Variants in STAG1 observed in about 807,000 individuals in gnomAD.
STAG1 encodes the protein cohesin subunit SA-1.
In STAG1, 26 loss-of-function variants were observed where a neutral mutation model predicts 170.9. The ratio of observed to expected loss-of-function variants is 0.15; its 90% CI spans 0.11 to 0.21. The LOEUF (loss-of-function observed/expected upper bound fraction) is 0.21. STAG1 is among the 10% of genes least tolerant of loss of function. The probability of loss-of-function intolerance (pLI) is 1.00; values close to 1 mark genes in which losing one functional copy is unlikely to be tolerated. For synonymous variants in STAG1, 514 were observed against 497.7 expected (o/e 1.03, Z -0.44); for missense variants, 964 against 1,509.5 (o/e 0.64, Z 5.99).
At chr3:136,657,488 C>T (rs1371400029) in intron 1 of STAG1, among the ~76,000 whole-genome samples, 2 of 152,132 alleles carry the variant, frequency 1.3e-5, no homozygotes, top group African/African-American at 2.4e-5. Flanking sequence ...CCACACCCAG[C>T]CATCCTACAC....
chr3:136,500,061 AATTTCTTCTATAGTTGT>A, intron 9 of STAG1, 145 bp downstream of exon 9: 1 of 549,988 alleles, frequency 1.8e-6, no homozygotes, highest in Non-Finnish European at 3.3e-6. Context: ...GCAGTCATAC[AATTTCTTCTATAGTTGT>A]AGTGTGACAC....
chr3:136,587,830 C>T (rs1008836512), intron 4 of STAG1, among the ~76,000 whole-genome samples: 9 of 151,818 alleles, frequency 5.9e-5, no homozygotes, highest in East Asian at 5.9e-4. Context: ...ATAAGCCAGG[C>T]GGGTCCCTGT....
chr3:136,478,389 A>G (rs1310517294), intron 9 of STAG1, among the ~76,000 whole-genome samples: 1 of 152,220 alleles, frequency 6.6e-6, no homozygotes, highest in African/African-American at 2.4e-5. Flanking sequence ...TGAATTGTAA[A>G]CAAATACAAT....
intron 1 of STAG1, among the ~76,000 whole-genome samples, chr3:136,668,930 T>G (rs1415992389): frequency 6.6e-6 from 1 of 152,068 alleles, no homozygotes; most frequent in Non-Finnish European, 1.5e-5. Context: ...ATATTAGAGG[T>G]CAGTAATTTT....
intron 22 of STAG1, among the ~76,000 whole-genome samples, chr3:136,396,311 G>C (rs1333403782): frequency 6.8e-6 from 1 of 146,972 alleles, no homozygotes; most frequent in Non-Finnish European, 1.5e-5. Context: ...TCCACTTCCT[G>C]GGCTCCGGCC....
chr3:136,338,251 A>C lies in STAG1; in HGVS notation c.*3T>G. The C allele has an allele frequency of 6.2e-7, 1 of 1,601,536 alleles. No homozygotes were observed. Among genetic ancestry groups the C allele is most frequent in the South Asian group, 1.1e-5 (1 of 90,502 alleles). On this transcript the variant is annotated 3_prime_UTR_variant, in exon 34 of 34. Coordinates refer to ENST00000383202, the MANE Select transcript of STAG1 (RefSeq NM_005862.3). The stretch of plus-strand genomic sequence containing the variant: ...TTCCAGATTTGTAAATTTTCTTCAG[A>C]CTTCAGAACATAGGCATTCCAAATC...
chr3:136,523,490 C>G (rs571773658), intron 6 of STAG1, among the ~76,000 whole-genome samples: 4 of 151,702 alleles, frequency 2.6e-5, no homozygotes, highest in African/African-American at 7.2e-5. Flanking sequence ...GAGTAGATTG[C>G]AAAAATCTTC....
intron 28 of STAG1, among the ~76,000 whole-genome samples, chr3:136,352,087 TA>T (rs1936454231): frequency 6.6e-6 from 1 of 152,148 alleles, no homozygotes; most frequent in Non-Finnish European, 1.5e-5. Flanking sequence ...TATCAACCTC[TA>T]GGGGGCAGAT....
intron 1 of STAG1, among the ~76,000 whole-genome samples, chr3:136,683,980 T>C (rs929529943): frequency 6.6e-6 from 1 of 152,162 alleles, no homozygotes; most frequent in African/African-American, 2.4e-5. Context: ...GCAAAACATG[T>C]ACAAGATATA....
At chr3:136,521,474 C>A in intron 6 of STAG1, 57 bp from the exon 7 acceptor site, 1 of 1,472,628 alleles carries the variant, frequency 6.8e-7, no homozygotes, top group East Asian at 2.3e-5. Context: ...TTGATGAAAG[C>A]TTTTTTTTTC....
chr3:136,474,607 G>A (rs1005611369), intron 10 of STAG1, among the ~76,000 whole-genome samples: 2 of 152,188 alleles, frequency 1.3e-5, no homozygotes, highest in Non-Finnish European at 2.9e-5. Context: ...CATTTATGGA[G>A]ATGCATAATC....
intron 1 of STAG1, among the ~76,000 whole-genome samples, chr3:136,679,561 T>C (rs1020310451): frequency 1.7e-4 from 26 of 151,990 alleles, no homozygotes; most frequent in African/African-American, 6.0e-4. Flanking sequence ...ACCCCGTCTG[T>C]ACTAAAAAGA....
chr3:136,388,228 A>C (rs1312705172), intron 22 of STAG1, among the ~76,000 whole-genome samples: 1 of 152,220 alleles, frequency 6.6e-6, no homozygotes, highest in African/African-American at 2.4e-5. Context: ...CAGGAAAGTG[A>C]AGCTCAAGGT....
chr3:136,734,649 C>A (rs936506001), intron 1 of STAG1, among the ~76,000 whole-genome samples: 15 of 152,162 alleles, frequency 9.9e-5, no homozygotes, highest in Admixed American at 2.0e-4. Context: ...TTTATGCTTC[C>A]CACCTCCTCC....
chr3:136,386,802 C>T (rs553207764), intron 22 of STAG1, among the ~76,000 whole-genome samples: 1 of 152,122 alleles, frequency 6.6e-6, no homozygotes, highest in Admixed American at 6.5e-5. Context: ...GTTGCGTTTT[C>T]ATCCATAACT....
intron 1 of STAG1, among the ~76,000 whole-genome samples, chr3:136,717,844 T>C (rs1290093119): frequency 6.6e-6 from 1 of 152,198 alleles, no homozygotes; most frequent in Non-Finnish European, 1.5e-5. Context: ...TAGAAATAAT[T>C]CCTCTAAAGC....
chr3:136,726,598 AT>A (rs1933702296), intron 1 of STAG1, among the ~76,000 whole-genome samples: 1 of 151,998 alleles, frequency 6.6e-6, no homozygotes, highest in Non-Finnish European at 1.5e-5. Flanking sequence ...TAATTTTCGT[AT>A]TTTTAGTAGA....
intron 22 of STAG1, among the ~76,000 whole-genome samples, chr3:136,383,229 A>C (rs1222231196): frequency 1.3e-5 from 2 of 152,212 alleles, no homozygotes; most frequent in Non-Finnish European, 2.9e-5. Flanking sequence ...GAAGTCTCAT[A>C]GAGTTAGCTT....
intron 11 of STAG1, among the ~76,000 whole-genome samples, chr3:136,472,755 A>T (rs2089657962): frequency 6.6e-6 from 1 of 152,238 alleles, no homozygotes; most frequent in African/African-American, 2.4e-5. Context: ...TACTATCTTT[A>T]TAACAAGCTG....
Sources: gnomAD v4.1 joint callset for allele counts (sites outside exome capture counted in the v4.1 genomes callset) on GRCh38, gnomAD v4.1.1 for gene constraint, MANE v1.5 for transcripts, NCBI Gene and HGNC (gene_info 2026-07-23, HGNC 2026-07-21) for gene names.